The following TSHZ3 variants were observed in gnomAD, a reference collection of about 807,000 sequenced individuals.
TSHZ3 encodes the protein teashirt zinc finger homeobox 3.
TSHZ3 carries 10 observed loss-of-function variants against 64.5 expected under a neutral mutation model. That is an observed-to-expected ratio of 0.16 (90% CI 0.10 to 0.26). The LOEUF (loss-of-function observed/expected upper bound fraction) is 0.26, where lower values mean the gene tolerates loss of function less well. Ranked by LOEUF, TSHZ3 falls within the 10% of genes least tolerant of loss-of-function variation. The pLI, the probability that TSHZ3 is intolerant of heterozygous loss-of-function variation, is 1.00. For synonymous variants in TSHZ3, 608 were observed against 593.1 expected, an observed-to-expected ratio of 1.03 and a Z score of -0.36; for missense variants, 1,242 against 1,421.7, an observed-to-expected ratio of 0.87 and a Z score of 2.03.
intron 1 of TSHZ3, among the ~76,000 whole-genome samples, chr19:31,267,357 C>G (rs773400831): frequency 3.3e-5 from 5 of 152,130 alleles, no homozygotes; most frequent in Non-Finnish European, 7.4e-5. Flanking sequence ...TCTCTCAGAA[C>G]AAAACCATAG....
At chr19:31,186,661 T>A (rs999633568) in intron 5 of TSHZ3, among the ~76,000 whole-genome samples, 1 of 152,238 alleles carries the variant, frequency 6.6e-6, no homozygotes, top group Non-Finnish European at 1.5e-5. Flanking sequence ...TTTCACCATT[T>A]TTCATTTAGC....
intron 1 of TSHZ3, among the ~76,000 whole-genome samples, chr19:31,287,117 C>G (rs962324351): frequency 6.6e-5 from 10 of 152,160 alleles, no homozygotes; most frequent in African/African-American, 1.9e-4. Context: ...CCTGCACTCT[C>G]CAACCACGGG....
At chr19:31,214,624 G>A (rs1975302146) in intron 4 of TSHZ3, among the ~76,000 whole-genome samples, 1 of 152,118 alleles carries the variant, frequency 6.6e-6, no homozygotes, top group African/African-American at 2.4e-5. Flanking sequence ...AAAGAATCAG[G>A]CAGGCCGGGC....
At chr19:31,243,856 C>T (rs1484870647) in intron 1 of TSHZ3, among the ~76,000 whole-genome samples, 1 of 152,182 alleles carries the variant, frequency 6.6e-6, no homozygotes, top group Non-Finnish European at 1.5e-5. Context: ...AATATCAAAT[C>T]ATGATTTCTC....
chr19:31,287,504 G>A (rs1976483062), intron 1 of TSHZ3, among the ~76,000 whole-genome samples: 2 of 151,984 alleles, frequency 1.3e-5, no homozygotes, highest in African/African-American at 2.4e-5. Flanking sequence ...AGAAAGGACC[G>A]AAGAGGGAAG....
intron 1 of TSHZ3, among the ~76,000 whole-genome samples, chr19:31,346,202 C>T (rs537774187): frequency 6.6e-6 from 1 of 152,306 alleles, no homozygotes; most frequent in South Asian, 2.1e-4. Flanking sequence ...CTGTGTGCCA[C>T]GTCTGCTCGC....
intron 5 of TSHZ3, among the ~76,000 whole-genome samples, chr19:31,204,354 C>A (rs1975132859): frequency 6.6e-6 from 1 of 150,794 alleles, no homozygotes; most frequent in Non-Finnish European, 1.5e-5. Flanking sequence ...TCCCTCCCGT[C>A]CTTCCTCTCT....
Position 31,175,647 on chromosome 19 carries a change from G to A in TSHZ3, n.810-19230C>T, listed in dbSNP as rs74973913. ...CAGGAAAGGGAGCACATCCTAGTGG[G>A]GAGAAGGAGGCTCTGGCTCAGGCCC... On this transcript the variant is annotated intron_variant and non_coding_transcript_variant, in intron 5 of 6. Coordinates refer to the TSHZ3 transcript ENST00000651361. Among the ~76,000 whole-genome samples, 1,389 of 152,316 alleles carry A rather than the reference G, an allele frequency of 9.1e-3. 25 individuals carry two copies. The highest frequency in any genetic ancestry group is 0.032 in the African/African-American group (1,318 of 41,576).
chr19:31,330,514 C>T (rs1310270606), intron 1 of TSHZ3, among the ~76,000 whole-genome samples: 2 of 152,164 alleles, frequency 1.3e-5, no homozygotes, highest in Non-Finnish European at 2.9e-5. Context: ...TGGGTCACAC[C>T]CTCGGTCAGC....
At position 31,168,126 on chromosome 19, in the gene TSHZ3, G is replaced by A. The variant is rs148993975; in HGVS notation, n.810-11709C>T. Among the ~76,000 whole-genome samples the A allele has an allele frequency of 8.4e-4, 128 of 152,228 alleles. 3 individuals are homozygous for A. The highest frequency in any genetic ancestry group is 3.0e-3 in the African/African-American group (125 of 41,542). On this transcript the variant is annotated intron_variant and non_coding_transcript_variant, in intron 5 of 6. Coordinates refer to the TSHZ3 transcript ENST00000651361. ...AACTGTGAGGGGAAAAAGTACTCGT[G>A]CATAATTGACATAATTGATCTAGTA...
intron 5 of TSHZ3, among the ~76,000 whole-genome samples, chr19:31,169,486 G>A (rs897366882): frequency 2.0e-5 from 3 of 152,132 alleles, no homozygotes; most frequent in African/African-American, 4.8e-5. Flanking sequence ...TTTAATTCAG[G>A]GTTACTGGTA....
intron 1 of TSHZ3, among the ~76,000 whole-genome samples, chr19:31,263,592 C>A (rs1477402431): frequency 3.9e-5 from 6 of 152,128 alleles, no homozygotes; most frequent in African/African-American, 1.4e-4. Context: ...CTGCATGGGG[C>A]CACTTCCTGC....
chr19:31,168,622 C>T (rs1208048897), intron 5 of TSHZ3, among the ~76,000 whole-genome samples: 1 of 152,182 alleles, frequency 6.6e-6, no homozygotes, highest in Non-Finnish European at 1.5e-5. Context: ...CACTGGCTTC[C>T]ACCAGCAAGC....
chr19:31,282,311 C>T (rs1278913433), intron 1 of TSHZ3, among the ~76,000 whole-genome samples: 1 of 152,142 alleles, frequency 6.6e-6, no homozygotes. Flanking sequence ...GTCTGCAATA[C>T]AAACCCCACA....
At chr19:31,323,697 A>G (rs539240864) in intron 1 of TSHZ3, among the ~76,000 whole-genome samples, 1 of 152,226 alleles carries the variant, frequency 6.6e-6, no homozygotes, top group Admixed American at 6.5e-5. Flanking sequence ...TAGACCAGGA[A>G]GAAGTTGGCT....
chr19:31,270,024 C>T (rs139209047), downstream of TSHZ3, among the ~76,000 whole-genome samples: 493 of 152,326 alleles, frequency 3.2e-3, 4 homozygotes, highest in African/African-American at 0.011. Context: ...AGCAAGGTCA[C>T]GACTACATCC....
intron 1 of TSHZ3, among the ~76,000 whole-genome samples, chr19:31,332,275 C>T (rs900905456): frequency 2.0e-5 from 3 of 152,060 alleles, no homozygotes; most frequent in Non-Finnish European, 4.4e-5. Flanking sequence ...GAATGCGGCT[C>T]CCACTCGCTC....
chr19:31,272,311 G>C (rs1976154118), downstream of TSHZ3, among the ~76,000 whole-genome samples: 1 of 152,122 alleles, frequency 6.6e-6, no homozygotes, highest in African/African-American at 2.4e-5. Flanking sequence ...GGGGATCAGT[G>C]AAGTCACCTA....
At chr19:31,240,170 G>T (rs754522289) in intron 3 of TSHZ3, among the ~76,000 whole-genome samples, 7 of 151,902 alleles carry the variant, frequency 4.6e-5, no homozygotes, top group Non-Finnish European at 7.4e-5. Context: ...TCAAATTTCA[G>T]GTATGTAAAA....
Sources: gnomAD v4.1 joint callset for allele counts (sites outside exome capture counted in the v4.1 genomes callset) on GRCh38, gnomAD v4.1.1 for gene constraint, MANE v1.5 for transcripts, NCBI Gene and HGNC (gene_info 2026-07-23, HGNC 2026-07-21) for gene names.